The following USP22 variants were observed in gnomAD, a reference collection of about 807,000 sequenced individuals.
USP22 encodes ubiquitin specific peptidase 22.
A neutral mutation model predicts 68.1 loss-of-function variants in USP22; 22 were observed. The observed-to-expected ratio is 0.32, with a 90% CI of 0.23 to 0.46. The LOEUF is 0.46. Ranked by LOEUF, USP22 falls within the 20% of genes least tolerant of loss-of-function variation. USP22 has a pLI of 1.00. For synonymous variants in USP22, 279 were observed against 274.2 expected (o/e 1.02, Z -0.17); for missense variants, 433 against 695.8 (o/e 0.62, Z 4.25).
At chr17:21,039,009 T>G (rs1972392275) in intron 1 of USP22, among the ~76,000 whole-genome samples, 1 of 151,950 alleles carries the variant, frequency 6.6e-6, no homozygotes, top group Non-Finnish European at 1.5e-5. Context: ...TGGAGTGCAG[T>G]GGTGCGATCT....
At chr17:21,017,369 T>A (rs1344452224) in intron 5 of USP22, among the ~76,000 whole-genome samples, 3 of 152,224 alleles carry the variant, frequency 2.0e-5, no homozygotes, top group Non-Finnish European at 2.9e-5. Flanking sequence ...GAAGCATGTC[T>A]AGGTCACGGA....
chr17:21,021,037 T>TA, intron 3 of USP22, 76 bp downstream of exon 3: 1 of 1,232,460 alleles, frequency 8.1e-7, no homozygotes, highest in African/African-American at 1.5e-5. Flanking sequence ...GTACTTCTCT[T>TA]TCTCCTACTG....
At chr17:21,028,751 A>G (rs1972253826) in intron 1 of USP22, 77 bp from the exon 2 acceptor site, 1 of 1,529,196 alleles carries the variant, frequency 6.5e-7, no homozygotes, top group Non-Finnish European at 8.8e-7. Flanking sequence ...CAAGCAAAGC[A>G]TCCCCCCGAG....
At chr17:21,007,830 A>C (rs768443550) in intron 9 of USP22, 40 bp downstream of exon 9, 1 of 1,613,834 alleles carries the variant, frequency 6.2e-7, no homozygotes, top group Non-Finnish European at 8.5e-7. Context: ...TGGACTAAAA[A>C]CTAAGTCTGC....
intron 2 of USP22, among the ~76,000 whole-genome samples, chr17:21,022,761 T>A (rs1597696139): frequency 6.8e-6 from 1 of 146,500 alleles, no homozygotes; most frequent in South Asian, 2.1e-4. Flanking sequence ...ATCTCACCAC[T>A]GCACTCCAGC....
intron 2 of USP22, among the ~76,000 whole-genome samples, chr17:21,025,955 G>A (rs1972214015): frequency 6.6e-6 from 1 of 152,214 alleles, no homozygotes; most frequent in Admixed American, 6.5e-5. Flanking sequence ...TCACCGACTT[G>A]TAGACTTAAA....
chr17:21,014,484 G>T (rs551828755), intron 6 of USP22, among the ~76,000 whole-genome samples: 1 of 152,224 alleles, frequency 6.6e-6, no homozygotes, highest in East Asian at 1.9e-4. Context: ...TGATTTCTAG[G>T]TAAGAATTAA....
chr17:21,027,787 T>C (rs573716862), intron 2 of USP22, among the ~76,000 whole-genome samples: 5 of 152,138 alleles, frequency 3.3e-5, no homozygotes, highest in South Asian at 4.2e-4. Context: ...CTGGCCAACA[T>C]AGTGAAACCC....
intron 1 of USP22, among the ~76,000 whole-genome samples, chr17:21,038,679 AT>A (rs1245306767): frequency 6.0e-5 from 9 of 149,592 alleles, no homozygotes; most frequent in African/African-American, 2.0e-4. Flanking sequence ...AAAAAAAAAA[AT>A]ACATAAAAAA....
rs904899557 is a variant in USP22 at position 21,015,101 on chromosome 17, A to G, written c.838+651T>C. 3.3e-5 allele frequency among the ~76,000 whole-genome samples: 5 copies of G among 152,160 alleles called. No individual in the cohort carries two copies. In the East Asian group the frequency reaches 7.7e-4, roughly 23 times the overall value. On this transcript the variant is annotated intron_variant, in intron 6 of 12. Coordinates refer to ENST00000261497, the MANE Select transcript of USP22 (RefSeq NM_015276.2). ...GGGATCTCCACCATGAGGAGTGGGG[A>G]GGAGCCGATCTTGGCTCAAGTCATT...
At chr17:21,039,515 G>A (rs912301263) in intron 1 of USP22, among the ~76,000 whole-genome samples, 1 of 152,082 alleles carries the variant, frequency 6.6e-6, no homozygotes, top group Non-Finnish European at 1.5e-5. Flanking sequence ...GGTGAGCCGA[G>A]ATCACGCCAT....
intron 1 of USP22, among the ~76,000 whole-genome samples, chr17:21,039,920 T>C (rs1023694611): frequency 6.6e-6 from 1 of 152,114 alleles, no homozygotes; most frequent in Non-Finnish European, 1.5e-5. Flanking sequence ...AAACCAAAAA[T>C]ATGGCTGGGC....
intron 2 of USP22, among the ~76,000 whole-genome samples, 198 bp from the exon 3 acceptor site, chr17:21,021,424 A>G (rs1972155169): frequency 6.6e-6 from 1 of 152,182 alleles, no homozygotes; most frequent in African/African-American, 2.4e-5. Flanking sequence ...TTGGCAGCTC[A>G]TGCCCAGGGC....
chr17:21,017,447 G>T (rs567263041), intron 5 of USP22, among the ~76,000 whole-genome samples: 1 of 152,350 alleles, frequency 6.6e-6, no homozygotes, highest in South Asian at 2.1e-4. Context: ...TGATGCCGGG[G>T]ACAGAAGTGG....
chr17:21,014,638 AAG>A (rs1310142029), intron 6 of USP22, among the ~76,000 whole-genome samples: 1 of 152,200 alleles, frequency 6.6e-6, no homozygotes, highest in African/African-American at 2.4e-5. Context: ...GGTTGTACGT[AAG>A]CGCCTAGGGC....
At chr17:21,004,451 G>A (rs773530946) in intron 11 of USP22, 100 bp from the exon 12 acceptor site, 8 of 1,428,882 alleles carry the variant, frequency 5.6e-6, no homozygotes, top group Admixed American at 1.9e-5. Context: ...GGGAGCGGGA[G>A]GCCTGTGGGC....
chr17:21,013,610 A>G (rs1914035610), intron 6 of USP22, among the ~76,000 whole-genome samples: 1 of 152,238 alleles, frequency 6.6e-6, no homozygotes, highest in South Asian at 2.1e-4. Context: ...ACCTGTATAT[A>G]CATCACAGTT....
intron 12 of USP22, among the ~76,000 whole-genome samples, chr17:21,003,900 CAA>C (rs545524182): frequency 2.5e-3 from 285 of 113,848 alleles, no homozygotes; most frequent in Non-Finnish European, 3.1e-3. Flanking sequence ...AACTCCGTCT[CAA>C]AAAAAAAAAA....
At chr17:21,018,201 CTCAT>C (rs1485794074) in intron 4 of USP22, 90 bp from the exon 5 acceptor site, 2 of 1,285,568 alleles carry the variant, frequency 1.6e-6, no homozygotes, top group African/African-American at 1.6e-5. Flanking sequence ...CCTCTACATA[CTCAT>C]TTTCTTTTAT....
Sources: allele counts gnomAD v4.1 joint callset (sites outside exome capture counted in the v4.1 genomes callset), GRCh38; gene constraint gnomAD v4.1.1; transcripts MANE v1.5; gene names NCBI Gene and HGNC (gene_info 2026-07-23, HGNC 2026-07-21).